The following SEMA5A variants were observed in gnomAD, a reference collection of about 807,000 sequenced individuals.
SEMA5A encodes semaphorin 5A, also known as semaphorin-5A.
SEMA5A carries 55 observed loss-of-function variants against 135.5 expected under a neutral mutation model. The observed-to-expected ratio is 0.41, with a 90% confidence interval of 0.33 to 0.51. SEMA5A has a LOEUF of 0.51. Among genes scored for constraint, SEMA5A ranks in the 20% least tolerant of loss-of-function variants. The probability of loss-of-function intolerance (pLI) is 0.37; values close to 1 mark genes in which losing one functional copy is unlikely to be tolerated. For missense variants in SEMA5A, 1,290 were observed against 1,419.9 expected (o/e 0.91, Z 1.47); for synonymous variants, 580 against 546.5 (o/e 1.06, Z -0.85).
chr5:9,044,472 A>C lies in SEMA5A; in HGVS notation c.3006T>G (p.Asp1002Glu). 1 of 1,613,994 alleles carries C rather than the reference A, an allele frequency of 6.2e-7. No homozygotes were observed. The highest frequency in any genetic ancestry group is 8.5e-7 in the Non-Finnish European group (1 of 1,180,004). ...GTGAGACGGGGTGGATGACAGTCGCATCGTGGGATTGCTGCTGGTACCGCT... is the reference window on the plus strand; with the variant it reads ...GTGAGACGGGGTGGATGACAGTCGCCTCGTGGGATTGCTGCTGGTACCGCT... Reference protein sequence around the residue: ...YCQRYQQQSHDATVIHPVSPA... With the variant: ...YCQRYQQQSHEATVIHPVSPA... The change falls in exon 22 of 23, where the codon GAT becomes GAG. Residue 1002 changes from aspartate to glutamate, a missense_variant. Transcript: ENST00000382496.
At chr5:9,268,970 CA>C (rs1438805532) in intron 5 of SEMA5A, among the ~76,000 whole-genome samples, 1 of 152,134 alleles carries the variant, frequency 6.6e-6, no homozygotes, top group Non-Finnish European at 1.5e-5. Context: ...AGGCATACAA[CA>C]TTTACATCGT....
At chr5:9,298,612 A>T (rs918322458) in intron 5 of SEMA5A, among the ~76,000 whole-genome samples, 4 of 152,240 alleles carry the variant, frequency 2.6e-5, no homozygotes, top group Non-Finnish European at 2.9e-5. Context: ...TTTAAAACTT[A>T]CATAGGTTAA....
At chr5:9,170,226 T>C (rs1246914574) in intron 11 of SEMA5A, among the ~76,000 whole-genome samples, 1 of 152,158 alleles carries the variant, frequency 6.6e-6, no homozygotes, top group African/African-American at 2.4e-5. Flanking sequence ...GCTGTGTGCA[T>C]GAACATGGGT....
chr5:9,214,926 C>T (rs1017196256), intron 8 of SEMA5A, among the ~76,000 whole-genome samples: 1 of 152,338 alleles, frequency 6.6e-6, no homozygotes, highest in African/African-American at 2.4e-5. Context: ...TGAATCTTGA[C>T]TTGCTGGATC....
chr5:9,494,023 A>C (rs1045515416), intron 1 of SEMA5A, among the ~76,000 whole-genome samples: 6 of 152,234 alleles, frequency 3.9e-5, no homozygotes, highest in African/African-American at 1.4e-4. Context: ...AATATATTTT[A>C]TATAAATTCT....
chr5:9,439,067 GC>G (rs1232935256), intron 1 of SEMA5A, among the ~76,000 whole-genome samples: 19 of 152,264 alleles, frequency 1.2e-4, no homozygotes, highest in African/African-American at 4.6e-4. Flanking sequence ...GGACATGCCT[GC>G]CTGAGACGCC....
At chr5:9,299,669 T>C (rs759363510) in intron 5 of SEMA5A, among the ~76,000 whole-genome samples, 13 of 152,286 alleles carry the variant, frequency 8.5e-5, no homozygotes, top group Non-Finnish European at 1.8e-4. Context: ...AATTTGATCA[T>C]TTACAAACAC....
At chr5:9,083,503 A>G (rs1327375613) in intron 16 of SEMA5A, among the ~76,000 whole-genome samples, 1 of 152,184 alleles carries the variant, frequency 6.6e-6, no homozygotes, top group Admixed American at 6.6e-5. Flanking sequence ...CTAAAAGTCA[A>G]TGTAGTGTTG....
At chr5:9,249,083 G>C (rs13162147) in intron 5 of SEMA5A, among the ~76,000 whole-genome samples, 2,840 of 152,334 alleles carry the variant, frequency 0.019, 38 homozygotes, top group Middle Eastern at 0.051. Flanking sequence ...CCAAACATCT[G>C]GGCCAGGCCC....
chr5:9,230,275 C>T (rs955085029), intron 6 of SEMA5A, among the ~76,000 whole-genome samples: 1 of 147,700 alleles, frequency 6.8e-6, no homozygotes, highest in African/African-American at 2.5e-5. Flanking sequence ...GCTGGGATTG[C>T]AGGCATGAGC....
chr5:9,383,730 A>G (rs956367664), intron 2 of SEMA5A, among the ~76,000 whole-genome samples: 2 of 152,190 alleles, frequency 1.3e-5, no homozygotes, highest in African/African-American at 4.8e-5. Context: ...GCTACCGATG[A>G]AGGGCATCAT....
rs761758270 is a variant in SEMA5A at position 9,035,217 on chromosome 5, A to T, written c.*7680T>A. The T allele has an allele frequency of 6.6e-6, 1 of 152,264 alleles. No individual in the cohort carries two copies. The highest frequency in any genetic ancestry group is 1.5e-5 in the Non-Finnish European group (1 of 68,040). 9.4% of individuals were successfully genotyped at this position (152,264 alleles called of 1,614,324 possible). On this transcript the variant is annotated 3_prime_UTR_variant, in exon 23 of 23. Transcript: ENST00000382496. The stretch of plus-strand genomic sequence containing the variant: ...AGAAGGGGGTTGGTAGGAAAGTGTG[A>T]CTGCACACTCAGCAGTGCTGAGGAT...
At chr5:9,367,881 TC>T (rs1026357252) in intron 3 of SEMA5A, among the ~76,000 whole-genome samples, 9 of 152,298 alleles carry the variant, frequency 5.9e-5, no homozygotes, top group Admixed American at 2.0e-4. Flanking sequence ...GTCTGGGACA[TC>T]TGCCCTGTCT....
chr5:9,451,651 C>T (rs950901805), intron 1 of SEMA5A, among the ~76,000 whole-genome samples: 2 of 152,194 alleles, frequency 1.3e-5, no homozygotes, highest in African/African-American at 4.8e-5. Context: ...CCAATCCCTT[C>T]AGGTTAGATT....
In SEMA5A at chr5:9,346,549, C is replaced by T. The variant is rs186502962; in HGVS notation, c.125-8737G>A. 2.5e-3 allele frequency among the ~76,000 whole-genome samples: 382 copies of T among 152,296 alleles called. 4 individuals are homozygous for T. Among genetic ancestry groups the T allele is most frequent in the African/African-American group, 1.3e-3 (53 of 41,572 alleles). The stretch of plus-strand genomic sequence containing the variant: ...ACAGGTTCCCCACTAGATGTTGGTG[C>T]GGGGCCTACAGGGAGTTGGCTCCTG... On this transcript the variant is annotated intron_variant, in intron 3 of 22. Transcript: ENST00000382496.
rs367919001 is a variant in SEMA5A, at chr5:9,133,258, G to A, written c.1599+3246C>T. Among the ~76,000 whole-genome samples, 9 of 152,130 alleles carry A rather than the reference G, an allele frequency of 5.9e-5. No homozygotes were observed. In the South Asian group the frequency reaches 1.9e-3, roughly 32 times the overall value. ...TATTAATGCAAATCATTTACATCTA[G>A]GTCATCTCCTTCTAAGAGACAGATT... On this transcript the variant is annotated intron_variant, in intron 13 of 22. Coordinates refer to ENST00000382496, the MANE Select transcript of SEMA5A (RefSeq NM_003966.3).
chr5:9,073,867 T>A (rs1737903304), intron 16 of SEMA5A, among the ~76,000 whole-genome samples: 1 of 152,074 alleles, frequency 6.6e-6, no homozygotes, highest in South Asian at 2.1e-4. Context: ...TATAGTAGCA[T>A]CAAAACATAA....
chr5:9,479,472 G>T (rs1005423942), intron 1 of SEMA5A, among the ~76,000 whole-genome samples: 1 of 152,126 alleles, frequency 6.6e-6, no homozygotes, highest in Admixed American at 6.5e-5. Flanking sequence ...AGCCTTGGAC[G>T]TGGGCTCTGC....
chr5:9,481,059 C>T (rs1759858694), intron 1 of SEMA5A, among the ~76,000 whole-genome samples: 1 of 152,116 alleles, frequency 6.6e-6, no homozygotes, highest in South Asian at 2.1e-4. Context: ...GATTCTCCTG[C>T]CTCAGCCTCC....
Sources: gnomAD v4.1 joint callset for allele counts (sites outside exome capture counted in the v4.1 genomes callset) on GRCh38, gnomAD v4.1.1 for gene constraint, MANE v1.5 for transcripts, NCBI Gene and HGNC (gene_info 2026-07-23, HGNC 2026-07-21) for gene names.